IQSEC2: variants seen among roughly 807,000 people sequenced by gnomAD.
IQSEC2 encodes the protein IQ motif and SEC7 domain-containing protein 2.
IQSEC2 carries 6 observed loss-of-function variants against 74.6 expected under a neutral mutation model. That is an observed-to-expected ratio of 0.08 (90% CI 0.04 to 0.16). The LOEUF (loss-of-function observed/expected upper bound fraction) is 0.16, where lower values mean the gene tolerates loss of function less well. Among genes scored for constraint, IQSEC2 ranks in the 10% least tolerant of loss-of-function variants. The pLI, the probability that IQSEC2 is intolerant of heterozygous loss-of-function variation, is 1.00. For missense variants in IQSEC2, 734 were observed against 1,306.2 expected (o/e 0.56, Z 6.75); for synonymous variants, 494 against 544.5 (o/e 0.91, Z 1.29).
At position 53,269,855 on chromosome X, in the gene IQSEC2, C is replaced by T. The variant is rs2147196648; in HGVS notation, c.738-13794G>A. The stretch of plus-strand genomic sequence containing the variant: ...CTTAACAAGGCCCTCCTCTGCATGG[C>T]CCTTTCCTTCCTCTGCTTCTGTGAG... On this transcript the variant is annotated intron_variant, in intron 2 of 14. Transcript: ENST00000642864. Among the ~76,000 whole-genome samples the T allele has an allele frequency of 1.8e-5, 2 of 111,067 alleles. 1 individual carries two copies. Among genetic ancestry groups the T allele is most frequent in the South Asian group, 7.7e-4 (2 of 2,614 alleles).
chrX:53,282,119 C>T (rs914069714), intron 2 of IQSEC2, among the ~76,000 whole-genome samples: 1 of 112,566 alleles, frequency 8.9e-6, no homozygotes, highest in Non-Finnish European at 1.9e-5. Context: ...AGATGGGGCC[C>T]CGGCCAATAT....
chrX:53,296,935 G>A, intron 1 of IQSEC2, among the ~76,000 whole-genome samples: 1 of 111,345 alleles, frequency 9.0e-6, no homozygotes, highest in Middle Eastern at 4.6e-3. Flanking sequence ...CTGAACAACT[G>A]TGCCCTCCTC....
At chrX:53,256,179 A>C in intron 2 of IQSEC2, 118 bp from the exon 3 acceptor site, 1 of 731,719 alleles carries the variant, frequency 1.4e-6, no homozygotes, top group Non-Finnish European at 2.0e-6. Context: ...CAGCTTCCTC[A>C]CAGATATAGG....
chrX:53,238,598 G>A (rs782330626), intron 11 of IQSEC2, among the ~76,000 whole-genome samples: 1 of 109,267 alleles, frequency 9.2e-6, no homozygotes, highest in Admixed American at 9.9e-5. Flanking sequence ...GGCTGGTTTC[G>A]AATTCCTGGG....
At chrX:53,237,544 G>A (rs1318543014) in intron 12 of IQSEC2, 2 of 117,175 alleles carry the variant, frequency 1.7e-5, no homozygotes, top group African/African-American at 3.2e-5. Flanking sequence ...GGAATGAGAT[G>A]TAATCACTAT....
chrX:53,243,530 G>A lies in IQSEC2; in HGVS notation c.2750-59C>T. Reference sequence around the variant, plus strand: ...TAATTATGGGCACTGGGTGGTAGGGGTGCTCCACCACCCCCACACCCAGGC... The same window carrying A: ...TAATTATGGGCACTGGGTGGTAGGGATGCTCCACCACCCCCACACCCAGGC... On this transcript the variant is annotated intron_variant, in intron 8 of 14. Coordinates refer to ENST00000642864, the MANE Select transcript of IQSEC2 (RefSeq NM_001111125.3). 6.3e-6 allele frequency: 7 copies of A among 1,110,305 alleles called. No homozygotes were observed. In the South Asian group the frequency reaches 1.4e-4, roughly 22 times the overall value. The allele number at this position is 1,110,305 out of a possible 1,213,427, so 91.5% of individuals were successfully genotyped here. A position where few individuals can be genotyped will look rare whatever the true frequency, so the allele number is the denominator to read the frequency against.
At chrX:53,283,191 G>C (rs1297329696) in intron 2 of IQSEC2, among the ~76,000 whole-genome samples, 2 of 112,386 alleles carry the variant, frequency 1.8e-5, no homozygotes, top group African/African-American at 6.5e-5. Context: ...ACTCCAGCCT[G>C]GGTGACAGAG....
intron 5 of IQSEC2, among the ~76,000 whole-genome samples, chrX:53,249,452 G>A (rs2074352844): frequency 9.0e-6 from 1 of 111,713 alleles, no homozygotes; most frequent in Non-Finnish European, 1.9e-5. Context: ...AAATTTGGAA[G>A]GGACTGATGC....
chrX:53,273,755 CG>C (rs1476883439), intron 2 of IQSEC2, among the ~76,000 whole-genome samples: 3 of 112,120 alleles, frequency 2.7e-5, no homozygotes, highest in Non-Finnish European at 5.6e-5. Flanking sequence ...TCTTGCTGTG[CG>C]AGTATATACA....
intron 2 of IQSEC2, among the ~76,000 whole-genome samples, chrX:53,280,633 C>T: frequency 9.1e-6 from 1 of 110,292 alleles, no homozygotes; most frequent in Non-Finnish European, 1.9e-5. Context: ...AAGGCGGGGC[C>T]CACACTCCAC....
At chrX:53,287,170 T>C (rs886977106) in intron 2 of IQSEC2, among the ~76,000 whole-genome samples, 7 of 111,110 alleles carry the variant, frequency 6.3e-5, no homozygotes, top group Non-Finnish European at 1.3e-4. Context: ...CTCACAATAG[T>C]CCCCTCATTA....
Position 53,250,849 on chromosome X carries a change from G to A in IQSEC2, c.1727C>T (p.Pro576Leu). 2 of 1,209,771 alleles carry A rather than the reference G, an allele frequency of 1.7e-6. No homozygotes were observed. The highest frequency in any genetic ancestry group is 2.2e-6 in the Non-Finnish European group (2 of 894,144). The change falls in exon 5 of 15, where the codon CCC becomes CTC. Residue 576 changes from proline (P) to leucine (L), a missense_variant. Physicochemically the swap from Pro to Leu is moderately conservative, Grantham distance 98. Around this residue, in one of 12 missense-constraint regions of IQSEC2, gnomAD observed 204 missense variants for 305.4 expected, o/e 0.67. Transcript: ENST00000642864. Reference sequence around the variant, plus strand: ...GAAATCCCGGCACTCCAAGCACCCGGGACCCCTGCGAGTGCCTTCCTCACG... The same window carrying A: ...GAAATCCCGGCACTCCAAGCACCCGAGACCCCTGCGAGTGCCTTCCTCACG... The part of the protein sequence containing the change: ...GSREEGTRRG[P>L]GCLECRDFRL...
At position 53,256,079 on chromosome X, in the gene IQSEC2, G is replaced by A. The variant is rs2074463379; in HGVS notation, c.738-18C>T. ...CCTCCACACTGTGGGGATGAGATAAGATGAGCCAGGATGTGGGGACAGGAC... is the reference window on the plus strand; with the variant it reads ...CCTCCACACTGTGGGGATGAGATAAAATGAGCCAGGATGTGGGGACAGGAC... On this transcript the variant is annotated intron_variant, in intron 2 of 14. Transcript: ENST00000642864. 8.7e-7 allele frequency: 1 copy of A among 1,149,206 alleles called. No homozygotes were observed. The highest frequency in any genetic ancestry group is 1.8e-5 in the African/African-American group (1 of 56,106). 94.7% of individuals were successfully genotyped at this position (1,149,206 alleles called of 1,213,427 possible).
At chrX:53,258,099 C>T (rs1026458181) in intron 2 of IQSEC2, among the ~76,000 whole-genome samples, 3 of 111,702 alleles carry the variant, frequency 2.7e-5, no homozygotes, top group African/African-American at 9.8e-5. Context: ...ACAGTACCTA[C>T]CACTTGAAAT....
At chrX:53,292,311 T>A (rs1432160016) in intron 1 of IQSEC2, among the ~76,000 whole-genome samples, 1 of 111,803 alleles carries the variant, frequency 8.9e-6, no homozygotes, top group Non-Finnish European at 1.9e-5. Flanking sequence ...CAGGAAGACC[T>A]AGGTTCAGAT....
chrX:53,277,062 T>G (rs2074845775), intron 2 of IQSEC2, among the ~76,000 whole-genome samples: 1 of 111,248 alleles, frequency 9.0e-6, no homozygotes, highest in African/African-American at 3.3e-5. Flanking sequence ...TAAACCTGTC[T>G]AGTTATACTA....
In IQSEC2 at chrX:53,253,275, G is replaced by C. The variant is rs957693595; in HGVS notation, c.1401+1255C>G. Among the ~76,000 whole-genome samples the C allele has an allele frequency of 1.1e-4, 12 of 112,292 alleles. No individual in the cohort carries two copies. In the Admixed American group the frequency reaches 1.1e-3, roughly 11 times the overall value. ...TGTTTTCATATATATTACCTGTATA[G>C]TTGCACCGAGTCTTCCAAACAGCTC... On this transcript the variant is annotated intron_variant, in intron 4 of 14. Coordinates refer to ENST00000642864, the MANE Select transcript of IQSEC2 (RefSeq NM_001111125.3).
chrX:53,311,693 C>A (rs1260951037), intron 1 of IQSEC2, among the ~76,000 whole-genome samples: 1 of 111,881 alleles, frequency 8.9e-6, no homozygotes, highest in African/African-American at 3.3e-5. Context: ...GGGCAGGTGG[C>A]TCACCTGAGG....
intron 1 of IQSEC2, among the ~76,000 whole-genome samples, chrX:53,298,257 T>G (rs1272514907): frequency 1.8e-5 from 2 of 110,777 alleles, no homozygotes; most frequent in African/African-American, 6.6e-5. Context: ...TTTTTAGAGT[T>G]TATGCTCATA....
Sources: gnomAD v4.1 joint callset for allele counts (sites outside exome capture counted in the v4.1 genomes callset) on GRCh38, gnomAD v4.1.1 for gene constraint, gnomAD v4.1.1 regional missense constraint, MANE v1.5 for transcripts, NCBI Gene and HGNC (gene_info 2026-07-23, HGNC 2026-07-21) for gene names.